SORCS2: variants seen among roughly 807,000 people sequenced by gnomAD.
SORCS2 encodes the protein sortilin related VPS10 domain containing receptor 2.
Under a neutral mutation model 141.6 loss-of-function variants are expected in SORCS2, and 100 were observed. The observed-to-expected ratio is 0.71, with a 90% CI of 0.60 to 0.83. The LOEUF (loss-of-function observed/expected upper bound fraction) is 0.83. Ranked by LOEUF, SORCS2 falls within the 40% of genes least tolerant of loss-of-function variation. The pLI is 0.00. For missense variants in SORCS2, 1,646 were observed against 1,560.2 expected (o/e 1.05, Z -0.93); for synonymous variants, 789 against 676.9 (o/e 1.17, Z -2.57).
chr4:7,218,187 T>G (rs1728487711), intron 1 of SORCS2, among the ~76,000 whole-genome samples: 1 of 152,108 alleles, frequency 6.6e-6, no homozygotes, highest in African/African-American at 2.4e-5. Context: ...ATTGAGCAAT[T>G]AGAGAAATCC....
intron 11 of SORCS2, among the ~76,000 whole-genome samples, chr4:7,696,947 G>T (rs1724750056): frequency 6.6e-6 from 1 of 152,216 alleles, no homozygotes. Flanking sequence ...GTTCTCTGAG[G>T]TACCTGAGCT....
chr4:7,648,904 T>A lies in SORCS2; in HGVS notation c.814-5230T>A, dbSNP rs1721256557. Among the ~76,000 whole-genome samples, 1 of 152,020 alleles carries A rather than the reference T, an allele frequency of 6.6e-6. No individual in the cohort carries two copies. The highest frequency in any genetic ancestry group is 6.5e-5 in the Admixed American group (1 of 15,278). ...ACAGGATGTCCTGGATCTGAGGAGC[T>A]AGAGGCCAGAGAACCAGAGTTCTGA... On this transcript the variant is annotated intron_variant, in intron 4 of 26. Coordinates refer to ENST00000507866, the MANE Select transcript of SORCS2 (RefSeq NM_020777.3). The surrounding 1 kb of genome is among the most constrained non-coding windows in gnomAD (Gnocchi z 4.2).
Position 7,193,344 on chromosome 4 carries a change from C to T in SORCS2, c.480+218C>T, listed in dbSNP as rs1726965751. ...TCAGATTCGTACGCTTGTCTCACCG[C>T]AGGGGACATTCCCGCAGATTTCGGG... On this transcript the variant is annotated intron_variant, in intron 1 of 26. Coordinates refer to ENST00000507866, the MANE Select transcript of SORCS2 (RefSeq NM_020777.3). This position sits in a 1 kb window ranked among gnomAD's most constrained non-coding sequence, Gnocchi z 4.8. Among the ~76,000 whole-genome samples, 1 of 152,194 alleles carries T rather than the reference C, an allele frequency of 6.6e-6. No individual in the cohort carries two copies. Among genetic ancestry groups the T allele is most frequent in the Admixed American group, 6.5e-5 (1 of 15,288 alleles).
At chr4:7,472,806 C>T (rs373426369) in intron 2 of SORCS2, among the ~76,000 whole-genome samples, 1 of 152,140 alleles carries the variant, frequency 6.6e-6, no homozygotes, top group South Asian at 2.1e-4. Context: ...GGCTCCCACT[C>T]TAGAACCTGG....
intron 22 of SORCS2, among the ~76,000 whole-genome samples, chr4:7,728,771 CAG>C (rs538646233): frequency 1.3e-5 from 2 of 152,340 alleles, no homozygotes; most frequent in South Asian, 4.1e-4. Flanking sequence ...TCCAGTGCTC[CAG>C]AGTCTCTTTA....
Position 7,374,318 on chromosome 4 carries a change from G to T in SORCS2, c.481-21970G>T, listed in dbSNP as rs569358114. 5.9e-4 allele frequency among the ~76,000 whole-genome samples: 90 copies of T among 152,182 alleles called. 1 individual carries two copies. Among genetic ancestry groups the T allele is most frequent in the African/African-American group, 2.0e-3 (84 of 41,488 alleles). On this transcript the variant is annotated intron_variant, in intron 1 of 26. Coordinates refer to ENST00000507866, the MANE Select transcript of SORCS2 (RefSeq NM_020777.3). ...AGAGGGACTGAGTTGGCCCAGCAAG[G>T]CTTGTGGGGAAATGCTCCTCCCCCA...
At chr4:7,231,764 C>T (rs892867810) in intron 1 of SORCS2, among the ~76,000 whole-genome samples, 1 of 152,082 alleles carries the variant, frequency 6.6e-6, no homozygotes, top group Non-Finnish European at 1.5e-5. Flanking sequence ...ATGGAGGTGG[C>T]CTTTGCACTT....
At chr4:7,638,047 C>T (rs151245390) in intron 3 of SORCS2, among the ~76,000 whole-genome samples, 1 of 152,162 alleles carries the variant, frequency 6.6e-6, no homozygotes, top group Non-Finnish European at 1.5e-5. Flanking sequence ...TTCTGGACAT[C>T]TCCTCACTGG....
chr4:7,690,038 A>G (rs1468862176), intron 11 of SORCS2, among the ~76,000 whole-genome samples: 2 of 138,592 alleles, frequency 1.4e-5, no homozygotes, highest in Non-Finnish European at 3.2e-5. Context: ...TGGATGATGT[A>G]TGATGGATAG....
At chr4:7,381,082 C>CAAAAAAAAAAAA (rs397745880) in intron 1 of SORCS2, among the ~76,000 whole-genome samples, 3 of 103,996 alleles carry the variant, frequency 2.9e-5, no homozygotes, top group Non-Finnish European at 3.9e-5. Context: ...ACTCTGTCTC[C>CAAAAAAAAAAAA]AAAAAAAAAA....
rs76766789 is a variant in SORCS2, at chr4:7,560,072, C to T, written c.648+28443C>T. The stretch of plus-strand genomic sequence containing the variant: ...CCCTGGCCTGAATTCTGGGGATAGG[C>T]GACAGTCTGAACAAATGCTCACATC... On this transcript the variant is annotated intron_variant, in intron 3 of 26. Coordinates refer to ENST00000507866, the MANE Select transcript of SORCS2 (RefSeq NM_020777.3). Among the ~76,000 whole-genome samples the T allele has an allele frequency of 7.7e-3, 1,177 of 152,268 alleles. 4 individuals are homozygous for T. Among genetic ancestry groups the T allele is most frequent in the Non-Finnish European group, 0.013 (871 of 68,032 alleles).
chr4:7,433,263 C>T (rs1727008647), intron 2 of SORCS2: 2 of 1,336,004 alleles, frequency 1.5e-6, no homozygotes, highest in Admixed American at 3.7e-5. Context: ...ATGGGGAAAG[C>T]ACCCACCTCA....
At chr4:7,453,518 G>A (rs1341531671) in intron 2 of SORCS2, among the ~76,000 whole-genome samples, 2 of 144,978 alleles carry the variant, frequency 1.4e-5, no homozygotes, top group Non-Finnish European at 3.0e-5. Flanking sequence ...CATGCGCCAC[G>A]TTAGGGTCAG....
At chr4:7,231,592 G>C (rs558380291) in intron 1 of SORCS2, among the ~76,000 whole-genome samples, 5 of 152,146 alleles carry the variant, frequency 3.3e-5, no homozygotes, top group Non-Finnish European at 7.3e-5. Flanking sequence ...AAATGTTTAT[G>C]GAACTCTACA....
intron 1 of SORCS2, among the ~76,000 whole-genome samples, chr4:7,391,782 T>G (rs560325757): frequency 5.9e-5 from 9 of 152,204 alleles, no homozygotes; most frequent in African/African-American, 1.9e-4. Flanking sequence ...GATGGCATCC[T>G]GAGTTCCTGT....
chr4:7,716,059 C>T (rs1340001244), intron 17 of SORCS2, among the ~76,000 whole-genome samples: 2 of 152,168 alleles, frequency 1.3e-5, no homozygotes, highest in African/African-American at 4.8e-5. Flanking sequence ...GCTGGACATA[C>T]TGCTATGAAG....
intron 2 of SORCS2, among the ~76,000 whole-genome samples, chr4:7,435,432 G>A (rs1413180055): frequency 6.6e-6 from 1 of 152,244 alleles, no homozygotes; most frequent in East Asian, 1.9e-4. Flanking sequence ...AGGGCCACGT[G>A]CCCAGCTGGG....
At chr4:7,312,782 C>T (rs1718266251) in intron 1 of SORCS2, among the ~76,000 whole-genome samples, 1 of 152,202 alleles carries the variant, frequency 6.6e-6, no homozygotes, top group African/African-American at 2.4e-5. Flanking sequence ...GCTTCCACTG[C>T]AGTTCAGGAG....
At chr4:7,453,026 C>G (rs1728581215) in intron 2 of SORCS2, among the ~76,000 whole-genome samples, 1 of 135,854 alleles carries the variant, frequency 7.4e-6, no homozygotes, top group Non-Finnish European at 1.5e-5. Context: ...GGGTCAGGCT[C>G]CATGTTGGGG....
Sources: allele counts gnomAD v4.1 joint callset (sites outside exome capture counted in the v4.1 genomes callset), GRCh38; gene constraint gnomAD v4.1.1; non-coding constraint Gnocchi (gnomAD v3.1); transcripts MANE v1.5; gene names NCBI Gene and HGNC (gene_info 2026-07-23, HGNC 2026-07-21).